Variants in CNTNAP3B observed in about 807,000 individuals in gnomAD.
The protein encoded by CNTNAP3B is contactin associated protein family member 3B.
A neutral mutation model predicts 108.9 loss-of-function variants in CNTNAP3B; 25 were observed. The ratio of observed to expected loss-of-function variants is 0.23; its 90% CI spans 0.17 to 0.32. CNTNAP3B has a LOEUF of 0.32. Among genes scored for constraint, CNTNAP3B ranks in the 10% least tolerant of loss-of-function variants. The pLI is 1.00. For synonymous variants in CNTNAP3B, 103 were observed against 473.4 expected, an observed-to-expected ratio of 0.22 and a Z score of 10.16; for missense variants, 252 against 1,210.4, an observed-to-expected ratio of 0.21 and a Z score of 11.75.
At chr9:41,920,827 C>T (rs1301576072) in intron 17 of CNTNAP3B, among the ~76,000 whole-genome samples, 1 of 152,310 alleles carries the variant, frequency 6.6e-6, no homozygotes, top group Non-Finnish European at 1.5e-5. Context: ...AATGGATAAG[C>T]AAAGGAGGGG....
intron 9 of CNTNAP3B, chr9:41,975,142 T>C (rs1294685491): frequency 2.6e-5 from 5 of 193,216 alleles, no homozygotes; most frequent in Non-Finnish European, 5.0e-5. Context: ...CTGCAGGGGC[T>C]TCGAGACGCC....
At chr9:42,124,776 A>C (rs1342768498) in intron 1 of CNTNAP3B, among the ~76,000 whole-genome samples, 1 of 128,962 alleles carries the variant, frequency 7.8e-6, no homozygotes, top group African/African-American at 3.2e-5. Context: ...AATGGAGAAC[A>C]ATCCCAGTGC....
intron 17 of CNTNAP3B, among the ~76,000 whole-genome samples, chr9:41,921,034 A>G (rs1211692787): frequency 9.9e-4 from 151 of 152,294 alleles, no homozygotes; most frequent in Non-Finnish European, 1.9e-3. Flanking sequence ...TGTTAGGAGC[A>G]TGGAAATTAC....
intron 1 of CNTNAP3B, among the ~76,000 whole-genome samples, chr9:42,120,675 A>G (rs1828442195): frequency 7.3e-6 from 1 of 136,910 alleles, no homozygotes; most frequent in Non-Finnish European, 1.6e-5. Context: ...CTTTGTAGGG[A>G]CATGGGTGAA....
At chr9:42,070,507 G>C (rs546570539) in intron 3 of CNTNAP3B, among the ~76,000 whole-genome samples, 1 of 142,478 alleles carries the variant, frequency 7.0e-6, no homozygotes, top group Non-Finnish European at 1.5e-5. Flanking sequence ...TCACTGTGTC[G>C]CTGCCCATCA....
intron 10 of CNTNAP3B, among the ~76,000 whole-genome samples, chr9:41,969,776 C>G (rs995033182): frequency 9.6e-6 from 1 of 104,090 alleles, no homozygotes; most frequent in Non-Finnish European, 2.1e-5. Context: ...TGCCACCACG[C>G]CTGGCTAATT....
chr9:41,933,745 A>G (rs1479130143), intron 14 of CNTNAP3B, among the ~76,000 whole-genome samples: 4 of 152,286 alleles, frequency 2.6e-5, no homozygotes, highest in African/African-American at 7.2e-5. Flanking sequence ...CAAACTTTTC[A>G]TCACTTACAT....
chr9:41,944,603 A>T (rs1824467766), intron 13 of CNTNAP3B, among the ~76,000 whole-genome samples: 2 of 152,098 alleles, frequency 1.3e-5, no homozygotes, highest in South Asian at 4.1e-4. Flanking sequence ...TAAAACAAAA[A>T]ATGTGAGAGG....
At chr9:42,108,112 G>T (rs1198075851) in intron 1 of CNTNAP3B, among the ~76,000 whole-genome samples, 2 of 138,654 alleles carry the variant, frequency 1.4e-5, no homozygotes, top group East Asian at 4.4e-4. Context: ...AGAAAGAATT[G>T]TACACTACTG....
In CNTNAP3B at chr9:42,066,205, T is replaced by C. The variant is rs556586374; in HGVS notation, c.390+10664A>G. 6.5e-5 allele frequency among the ~76,000 whole-genome samples: 9 copies of C among 137,528 alleles called. 2 individuals carry two copies. In the South Asian group the frequency reaches 1.9e-3, roughly 29 times the overall value. 90.2% of individuals were successfully genotyped at this position (137,528 alleles called of 152,430 possible). On this transcript the variant is annotated intron_variant, in intron 3 of 23. Coordinates refer to ENST00000377561, the MANE Select transcript of CNTNAP3B (RefSeq NM_001201380.3). ...AAATGAGAATTTACACAGATCTCCT[T>C]ATATACCTCATAGTAATGTTTTAAC...
intron 3 of CNTNAP3B, among the ~76,000 whole-genome samples, chr9:42,021,968 G>T (rs1177016734): frequency 1.7e-5 from 2 of 117,666 alleles, no homozygotes; most frequent in African/African-American, 7.2e-5. Flanking sequence ...CTGGGCTTAG[G>T]CAAGCCAACC....
At chr9:41,921,187 C>G (rs1823658236) in intron 17 of CNTNAP3B, among the ~76,000 whole-genome samples, 1 of 152,298 alleles carries the variant, frequency 6.6e-6, no homozygotes, top group South Asian at 2.1e-4. Flanking sequence ...GCAATGAATG[C>G]TGATTCTAGG....
chr9:42,047,442 A>T (rs1175028455), intron 3 of CNTNAP3B, among the ~76,000 whole-genome samples: 1 of 125,878 alleles, frequency 7.9e-6, no homozygotes, highest in Non-Finnish European at 1.7e-5. Flanking sequence ...TTAAGTTTAA[A>T]TGGGAAGATA....
At chr9:41,934,619 C>T (rs1239354998) in intron 14 of CNTNAP3B, among the ~76,000 whole-genome samples, 1 of 152,292 alleles carries the variant, frequency 6.6e-6, no homozygotes, top group Non-Finnish European at 1.5e-5. Context: ...CAAGTTTATC[C>T]CTAACAATGC....
intron 13 of CNTNAP3B, among the ~76,000 whole-genome samples, chr9:41,941,220 C>T (rs1275728006): frequency 2.0e-5 from 3 of 150,542 alleles, no homozygotes; most frequent in South Asian, 2.1e-4. Flanking sequence ...ATAAAAATTA[C>T]CTTAAATGTA....
chr9:42,128,964 T>A, intron 1 of CNTNAP3B, 46 bp downstream of exon 1: 1 of 1,484,798 alleles, frequency 6.7e-7, no homozygotes, highest in Non-Finnish European at 9.0e-7. Flanking sequence ...AATACAAAGT[T>A]TTCCAGACAG....
In CNTNAP3B at chr9:42,110,139, C is replaced by A. The variant is rs1383481265; in HGVS notation, c.86-5400G>T. Among the ~76,000 whole-genome samples, 2 of 103,228 alleles carry A rather than the reference C, an allele frequency of 1.9e-5. 1 individual carries two copies. The highest frequency in any genetic ancestry group is 4.1e-5 in the Non-Finnish European group (2 of 48,776). The allele number at this position is 103,228 out of a possible 152,430, so 67.7% of individuals were successfully genotyped here. On this transcript the variant is annotated intron_variant, in intron 1 of 23. Transcript: ENST00000377561. ...GTTTATGGTCATTTCTCACAAGGGC[C>A]ATAGGAAATGAACACACTTTATATG...
rs1298872013 is a variant in CNTNAP3B, at chr9:41,997,693, C to T, written c.802G>A (p.Asp268Asn). ...PVTLTLGSLL[D>N]DQHWHSVLIE... ...AGGACGGAATGCCAGTGCTGGTCAT[C>T]CAGCAGGCTGCCCAGGGTGAGGGTC... The change falls in exon 6 of 24, where the codon GAT becomes AAT. Residue 268 changes from aspartate (D) to asparagine (N), a missense_variant. By Grantham distance (23) the Asp-to-Asn change is conservative. Coordinates refer to ENST00000377561, the MANE Select transcript of CNTNAP3B (RefSeq NM_001201380.3). The T allele has an allele frequency of 6.2e-7, 1 of 1,602,592 alleles. No homozygotes were observed. Among genetic ancestry groups the T allele is most frequent in the East Asian group, 2.3e-5 (1 of 44,108 alleles).
chr9:41,941,336 G>A (rs1424655565), intron 13 of CNTNAP3B, among the ~76,000 whole-genome samples: 1 of 141,586 alleles, frequency 7.1e-6, no homozygotes, highest in East Asian at 2.0e-4. Context: ...ACATAGGCAG[G>A]TTAAAAGTAA....
Sources: gnomAD v4.1 joint callset for allele counts (sites outside exome capture counted in the v4.1 genomes callset) on GRCh38, gnomAD v4.1.1 for gene constraint, MANE v1.5 for transcripts, NCBI Gene and HGNC (gene_info 2026-07-23, HGNC 2026-07-21) for gene names.